The following KDM4B variants were observed in gnomAD, a reference collection of about 807,000 sequenced individuals.
The protein encoded by KDM4B is lysine-specific demethylase 4B.
A neutral mutation model predicts 125.2 loss-of-function variants in KDM4B; 32 were observed. That is an observed-to-expected ratio of 0.26 (90% CI 0.19 to 0.34). The LOEUF (loss-of-function observed/expected upper bound fraction) is 0.34. Ranked by LOEUF, KDM4B falls within the 10% of genes least tolerant of loss-of-function variation. KDM4B has a pLI of 1.00. For synonymous variants in KDM4B, 721 were observed against 677.9 expected (o/e 1.06, Z -0.99); for missense variants, 1,190 against 1,577.7 (o/e 0.75, Z 4.16).
At chr19:5,021,584 T>C (rs1453193413) in intron 2 of KDM4B, among the ~76,000 whole-genome samples, 3 of 145,466 alleles carry the variant, frequency 2.1e-5, no homozygotes, top group East Asian at 2.0e-4. Flanking sequence ...AAAAATAAAA[T>C]AAAAAACAAA....
chr19:5,109,244 C>G (rs145806775), intron 9 of KDM4B, among the ~76,000 whole-genome samples: 62 of 152,296 alleles, frequency 4.1e-4, no homozygotes, highest in Admixed American at 1.2e-3. Flanking sequence ...CAGCCTCATC[C>G]CAGTAGGTAC....
chr19:5,025,360 C>T (rs560638981), intron 2 of KDM4B, among the ~76,000 whole-genome samples: 1 of 152,230 alleles, frequency 6.6e-6, no homozygotes, highest in African/African-American at 2.4e-5. Flanking sequence ...AATGAACCCA[C>T]AGGGTTCCCG....
intron 2 of KDM4B, among the ~76,000 whole-genome samples, chr19:5,019,328 G>T (rs1211146951): frequency 1.4e-5 from 2 of 148,048 alleles, no homozygotes; most frequent in African/African-American, 2.5e-5. Flanking sequence ...GGACGTTGGC[G>T]TGCAGGTGTT....
rs2038322647 is a variant in KDM4B at position 5,082,275 on chromosome 19, G to A, written c.781-92G>A. The A allele has an allele frequency of 2.0e-6, 3 of 1,518,754 alleles. No homozygotes were observed. Among genetic ancestry groups the A allele is most frequent in the South Asian group, 1.2e-5 (1 of 85,070 alleles). 94.1% of individuals were successfully genotyped at this position (1,518,754 alleles called of 1,614,324 possible). On this transcript the variant is annotated intron_variant, in intron 8 of 22. Transcript: ENST00000159111. The surrounding 1 kb of genome is among the most constrained non-coding windows in gnomAD (Gnocchi z 5.4). ...TGAAACCCCCTTGGCTCATAAGCCA[G>A]GCTCCCTGGCACTTGCTGGGAAGTG...
chr19:5,024,100 T>C (rs1025473652), intron 2 of KDM4B, among the ~76,000 whole-genome samples: 1 of 152,170 alleles, frequency 6.6e-6, no homozygotes, highest in Non-Finnish European at 1.5e-5. Context: ...GTGTGGCCGC[T>C]GAGAGCCATC....
intron 1 of KDM4B, among the ~76,000 whole-genome samples, chr19:4,985,989 C>A (rs948138033): frequency 2.6e-5 from 4 of 152,222 alleles, no homozygotes; most frequent in Non-Finnish European, 5.9e-5. Flanking sequence ...GAAGAGAAAT[C>A]GGATCTCTTC....
intron 16 of KDM4B, 23 bp downstream of exon 16, chr19:5,137,361 G>T (rs1218967595): frequency 1.3e-6 from 2 of 1,549,378 alleles, no homozygotes; most frequent in South Asian, 2.4e-5. Flanking sequence ...CCGCAGCGGG[G>T]GTGGTGCTCT....
chr19:5,146,288 C>A (rs2039844623), intron 21 of KDM4B, among the ~76,000 whole-genome samples: 1 of 152,036 alleles, frequency 6.6e-6, no homozygotes, highest in Admixed American at 6.5e-5. Flanking sequence ...CACTCTCGAC[C>A]TGTCACTGAG....
chr19:5,049,261 C>T (rs746468284), intron 6 of KDM4B, among the ~76,000 whole-genome samples: 6 of 152,088 alleles, frequency 3.9e-5, no homozygotes, highest in Non-Finnish European at 1.5e-5. Flanking sequence ...CTGAGGGCAT[C>T]CCGCACCTCT....
At chr19:5,127,192 C>A (rs1245307634) in intron 11 of KDM4B, among the ~76,000 whole-genome samples, 1 of 152,208 alleles carries the variant, frequency 6.6e-6, no homozygotes, top group African/African-American at 2.4e-5. Context: ...ATGGTCCCTG[C>A]TCTGTCCTGA....
chr19:5,001,753 C>T (rs544174073), intron 1 of KDM4B, among the ~76,000 whole-genome samples: 1 of 152,346 alleles, frequency 6.6e-6, no homozygotes, highest in African/African-American at 2.4e-5. Context: ...TGTCTAAATA[C>T]TTGCCAATCC....
At chr19:5,045,660 C>T (rs569628179) in intron 5 of KDM4B, among the ~76,000 whole-genome samples, 2 of 152,086 alleles carry the variant, frequency 1.3e-5, no homozygotes, top group South Asian at 4.1e-4. Flanking sequence ...TTTTTAGTAG[C>T]GATGGGGTTT....
chr19:5,088,031 A>T (rs980435519), intron 9 of KDM4B, among the ~76,000 whole-genome samples: 1 of 152,128 alleles, frequency 6.6e-6, no homozygotes, highest in Non-Finnish European at 1.5e-5. Context: ...CAGAAACTAG[A>T]AGTTCTTATC....
intron 5 of KDM4B, chr19:5,046,997 C>T (rs2037046079): frequency 6.5e-6 from 1 of 154,460 alleles, no homozygotes; most frequent in Non-Finnish European, 1.4e-5. Flanking sequence ...GTGAGCCCTT[C>T]AGAAAAGGTG....
At chr19:5,067,692 G>C (rs1213139176) in intron 6 of KDM4B, among the ~76,000 whole-genome samples, 1 of 152,184 alleles carries the variant, frequency 6.6e-6, no homozygotes, top group East Asian at 1.9e-4. Flanking sequence ...GCAGGTCATG[G>C]AGCCGGTAGC....
At chr19:5,058,610 G>C (rs1409631847) in intron 6 of KDM4B, among the ~76,000 whole-genome samples, 1 of 152,240 alleles carries the variant, frequency 6.6e-6, no homozygotes. Context: ...GACCCTGCAG[G>C]GGCTGCCTTA....
intron 1 of KDM4B, among the ~76,000 whole-genome samples, chr19:4,984,136 G>A (rs967513176): frequency 6.6e-5 from 10 of 152,116 alleles, no homozygotes; most frequent in African/African-American, 1.4e-4. Context: ...GCAGTGCCCC[G>A]GGCGGCCTCA....
At chr19:5,033,131 T>A (rs2036511338) in intron 3 of KDM4B, 100 bp downstream of exon 3, 2 of 1,388,110 alleles carry the variant, frequency 1.4e-6, no homozygotes, top group Non-Finnish European at 9.9e-7. Context: ...AGGCGTGGCC[T>A]GTGCACGTGG....
At chr19:5,111,006 C>T (rs1254082473) in intron 10 of KDM4B, among the ~76,000 whole-genome samples, 188 bp downstream of exon 10, 4 of 152,234 alleles carry the variant, frequency 2.6e-5, no homozygotes, top group Non-Finnish European at 5.9e-5. Flanking sequence ...GTCTGAGGCA[C>T]AGTGTTTTCT....
Sources: allele counts gnomAD v4.1 joint callset (sites outside exome capture counted in the v4.1 genomes callset), GRCh38; gene constraint gnomAD v4.1.1; non-coding constraint Gnocchi (gnomAD v3.1); transcripts MANE v1.5; gene names NCBI Gene and HGNC (gene_info 2026-07-23, HGNC 2026-07-21).